Variants in PARP15 observed in about 807,000 individuals in gnomAD.
The protein encoded by PARP15 is protein mono-ADP-ribosyltransferase PARP15.
Under a neutral mutation model 62.1 loss-of-function variants are expected in PARP15, and 50 were observed. That is an observed-to-expected ratio of 0.81 (90% CI 0.64 to 1.02). PARP15 has a LOEUF of 1.02. Ranked by LOEUF, PARP15 falls within the 50% of genes least tolerant of loss-of-function variation. The pLI, the probability that PARP15 is intolerant of heterozygous loss-of-function variation, is 0.00. For missense variants in PARP15, 820 were observed against 826.5 expected (o/e 0.99, Z 0.10); for synonymous variants, 309 against 293.1 (o/e 1.05, Z -0.55).
chr3:122,638,427 G>A lies in PARP15; in HGVS notation c.*2327G>A, dbSNP rs1224708028. 6.6e-6 allele frequency: 1 copy of A among 152,174 alleles called. No homozygotes were observed. Among genetic ancestry groups the A allele is most frequent in the African/African-American group, 2.4e-5 (1 of 41,446 alleles). The allele number at this position is 152,174 out of a possible 1,614,324, so 9.4% of individuals were successfully genotyped here. Reference sequence around the variant, plus strand: ...TTACAGTCCCACCAACAGTGTAAAAGTGTTCCTATTTCTCCACATCCTCTC... The same window carrying A: ...TTACAGTCCCACCAACAGTGTAAAAATGTTCCTATTTCTCCACATCCTCTC... On this transcript the variant is annotated 3_prime_UTR_variant, in exon 12 of 12. Transcript: ENST00000464300.
chr3:122,610,152 C>T (rs145932609), intron 2 of PARP15, among the ~76,000 whole-genome samples: 2 of 152,166 alleles, frequency 1.3e-5, no homozygotes, highest in Non-Finnish European at 2.9e-5. Flanking sequence ...CTCTGTTTTT[C>T]ACTTTCATTT....
chr3:122,622,140 T>G (rs906286990), intron 8 of PARP15, among the ~76,000 whole-genome samples: 13 of 152,212 alleles, frequency 8.5e-5, no homozygotes, highest in African/African-American at 3.1e-4. Context: ...CTTTCCAAGT[T>G]TGGTCCTTAA....
intron 9 of PARP15, among the ~76,000 whole-genome samples, chr3:122,630,770 T>G (rs1461378346): frequency 6.6e-6 from 1 of 152,196 alleles, no homozygotes; most frequent in South Asian, 2.1e-4. Context: ...AATAACCCTA[T>G]GTTTACAAAA....
In PARP15 at chr3:122,615,042, A is replaced by AAG. The variant is rs1553732556; in HGVS notation, c.772-736_772-735insGA. The AAG allele has an allele frequency of 3.1e-6, 3 of 968,314 alleles. No homozygotes were observed. The African/African-American group carries it at 5.4e-5, about 18-fold the overall frequency. The allele number at this position is 968,314 out of a possible 1,614,324, so 60.0% of individuals were successfully genotyped here. A position where few individuals can be genotyped will look rare whatever the true frequency, so the allele number is the denominator to read the frequency against. ...GAGACTCTGTCTGCAAAAAAAAAAA[A>AAG]AAAAGAAAAGAAAAGAAAAGAAAGA... On this transcript the variant is annotated intron_variant, in intron 4 of 11. Transcript: ENST00000464300.
chr3:122,609,886 G>T (rs1009364937), intron 2 of PARP15, among the ~76,000 whole-genome samples: 3 of 152,124 alleles, frequency 2.0e-5, no homozygotes, highest in African/African-American at 7.2e-5. Flanking sequence ...AACAGCCTTA[G>T]CATTGACACT....
intron 3 of PARP15, among the ~76,000 whole-genome samples, 163 bp from the exon 4 acceptor site, chr3:122,612,878 G>C (rs1237702414): frequency 1.3e-5 from 2 of 152,072 alleles, no homozygotes; most frequent in South Asian, 2.1e-4. Context: ...ACTCTCTCTG[G>C]AAAGTACTCT....
At position 122,636,594 on chromosome 3, in the gene PARP15, T is replaced by C. The variant is rs1937386891; in HGVS notation, c.*494T>C. On this transcript the variant is annotated 3_prime_UTR_variant, in exon 12 of 12. Coordinates refer to ENST00000464300, the MANE Select transcript of PARP15 (RefSeq NM_001113523.3). ...AATGACTGAATCACAGAATATTAAC[T>C]CTGTTATGGAACAAATCATAACAGA... is the stretch of plus-strand genomic sequence containing the variant. 1.9e-5 allele frequency: 3 copies of C among 157,902 alleles called. No individual in the cohort carries two copies. The South Asian group carries it at 5.6e-4, about 29-fold the overall frequency. 9.8% of individuals were successfully genotyped at this position (157,902 alleles called of 1,614,324 possible). A position where few individuals can be genotyped will look rare whatever the true frequency, so the allele number is the denominator to read the frequency against.
Position 122,588,906 on chromosome 3 carries a change from A to G in PARP15, c.186+11053A>G, listed in dbSNP as rs769235193. The stretch of plus-strand genomic sequence containing the variant: ...ATGTTGCAGAATGTATAAGAACTTC[A>G]TTACTTTTTCTTCTTTTAACCAAAT... On this transcript the variant is annotated intron_variant, in intron 1 of 11. Coordinates refer to ENST00000464300, the MANE Select transcript of PARP15 (RefSeq NM_001113523.3). Among the ~76,000 whole-genome samples, 63 of 152,172 alleles carry G rather than the reference A, an allele frequency of 4.1e-4. 1 individual carries two copies. The highest frequency in any genetic ancestry group is 7.1e-4 in the Non-Finnish European group (48 of 68,038).
chr3:122,617,540 T>G (rs1315276825), intron 6 of PARP15, among the ~76,000 whole-genome samples: 2 of 152,240 alleles, frequency 1.3e-5, no homozygotes, highest in Non-Finnish European at 2.9e-5. Flanking sequence ...TTCCTGTTTA[T>G]GTAACCTACT....
intron 1 of PARP15, chr3:122,594,889 T>C: frequency 5.1e-6 from 5 of 972,866 alleles, no homozygotes; most frequent in Middle Eastern, 5.3e-4. Context: ...ATAACAATTT[T>C]CTTCAAAAAT....
At chr3:122,580,027 A>ATATATG (rs2107793796) in intron 1 of PARP15, among the ~76,000 whole-genome samples, 1 of 143,362 alleles carries the variant, frequency 7.0e-6, no homozygotes, top group South Asian at 2.2e-4. Flanking sequence ...ATATATATAT[A>ATATATG]TATATATATG....
chr3:122,596,251 A>G (rs6773940), intron 1 of PARP15, among the ~76,000 whole-genome samples: 141,469 of 151,490 alleles, frequency 0.93, 66,344 homozygotes, highest in Non-Finnish European at 0.98. Flanking sequence ...AGCTACTAGG[A>G]AGGCTGAGGC....
intron 1 of PARP15, among the ~76,000 whole-genome samples, chr3:122,593,066 A>G (rs957006927): frequency 2.0e-5 from 3 of 147,736 alleles, no homozygotes; most frequent in African/African-American, 5.2e-5. Context: ...ATATATATGT[A>G]TAGACTAAAA....
At chr3:122,615,987 A>G in intron 5 of PARP15, 130 bp downstream of exon 5, 1 of 853,906 alleles carries the variant, frequency 1.2e-6, no homozygotes, top group South Asian at 1.6e-5. Flanking sequence ...GGGAGGTGTT[A>G]GAGCATGTCC....
chr3:122,606,175 A>G (rs1377658241), intron 2 of PARP15, 120 bp downstream of exon 2: 1 of 1,266,366 alleles, frequency 7.9e-7, no homozygotes, highest in Non-Finnish European at 1.1e-6. Flanking sequence ...GATATCAAAG[A>G]TAAATTTGAG....
intron 1 of PARP15, among the ~76,000 whole-genome samples, chr3:122,604,194 AT>A (rs1408344438): frequency 2.0e-5 from 3 of 152,308 alleles, no homozygotes; most frequent in African/African-American, 7.2e-5. Flanking sequence ...TAGTAGTTTG[AT>A]TTTGATCAAA....
intron 1 of PARP15, among the ~76,000 whole-genome samples, chr3:122,596,312 C>T (rs1258387276): frequency 2.9e-5 from 4 of 137,372 alleles, no homozygotes; most frequent in Non-Finnish European, 6.1e-5. Context: ...GCTGAGATCT[C>T]GCCACTGTAC....
Position 122,626,981 on chromosome 3 carries a change from A to G in PARP15, c.1386A>G (p.Lys462=). The G allele has an allele frequency of 1.2e-6, 2 of 1,614,076 alleles. No homozygotes were observed. Among genetic ancestry groups the G allele is most frequent in the Non-Finnish European group, 1.7e-6 (2 of 1,179,982 alleles). Residue 462 remains lysine, a synonymous_variant, in exon 9 of 12, where the codon AAA becomes AAG. Transcript: ENST00000464300. ...LLNIFYDSMK[K]RDLSASLNFQ... ...ATATATTCTACGACAGCATGAAAAAAAGAGACCTCTCTGCATCACTGAACT... is the reference window on the plus strand; with the variant it reads ...ATATATTCTACGACAGCATGAAAAAGAGAGACCTCTCTGCATCACTGAACT...
chr3:122,598,695 T>C (rs1324235214), intron 1 of PARP15, among the ~76,000 whole-genome samples: 1 of 152,082 alleles, frequency 6.6e-6, no homozygotes, highest in African/African-American at 2.4e-5. Context: ...TGATATGATA[T>C]GGAAGGAGAC....
Sources: allele counts gnomAD v4.1 joint callset (sites outside exome capture counted in the v4.1 genomes callset), GRCh38; gene constraint gnomAD v4.1.1; transcripts MANE v1.5; gene names NCBI Gene and HGNC (gene_info 2026-07-23, HGNC 2026-07-21).